Variants in ZNF530 observed in about 807,000 individuals in gnomAD.
ZNF530 encodes the protein zinc finger protein 530.
Under a neutral mutation model 2.8 loss-of-function variants are expected in ZNF530, and 5 were observed. The observed-to-expected ratio is 1.80, with a 90% CI of 0.94 to 3.78. ZNF530 has a LOEUF of 3.78. Ranked by LOEUF, ZNF530 falls within the 30% of genes most tolerant of loss-of-function variation. The probability of loss-of-function intolerance (pLI) is 0.00; values close to 1 mark genes in which losing one functional copy is unlikely to be tolerated. For missense variants in ZNF530, 619 were observed against 673.3 expected, an observed-to-expected ratio of 0.92 and a Z score of 0.89; for synonymous variants, 229 against 235.0, an observed-to-expected ratio of 0.97 and a Z score of 0.23.
At chr19:57,600,858 T>C (rs1431530667) in intron 2 of ZNF530, 79 bp downstream of exon 2, 1 of 152,312 alleles carries the variant, frequency 6.6e-6, no homozygotes, top group Non-Finnish European at 1.5e-5. Flanking sequence ...CCTGGGATTC[T>C]TTACTTACCG....
At chr19:57,611,528 C>T (rs374851881), downstream of ZNF530, among the ~76,000 whole-genome samples, 7 of 152,258 alleles carry the variant, frequency 4.6e-5, no homozygotes, top group Admixed American at 2.6e-4. Context: ...TTGGGGTGAT[C>T]TTCCCTTAAC....
chr19:57,601,977 C>A (rs554150120), intron 2 of ZNF530, among the ~76,000 whole-genome samples: 2 of 152,232 alleles, frequency 1.3e-5, no homozygotes, highest in African/African-American at 2.4e-5. Context: ...CTAGGCCCCA[C>A]TTCCAACATT....
Position 57,606,270 on chromosome 19 carries a change from A to G in ZNF530, c.646A>G (p.Ser216Gly). Reference sequence around the variant, plus strand: ...GTGCAGTGAATGTGGGAAATCCTTTAGTCAAAGTTCTGGCTTTCTTCGACA... The same window carrying G: ...GTGCAGTGAATGTGGGAAATCCTTTGGTCAAAGTTCTGGCTTTCTTCGACA... ...YKCSECGKSF[S>G]QSSGFLRHRK... Residue 216 changes from serine (S) to glycine (G), a missense_variant, in exon 4 of 4, where the codon AGT (serine) becomes GGT (glycine). Ser to Gly is a moderately conservative substitution (Grantham distance 56, BLOSUM62 0). Transcript: ENST00000597700. 6.2e-7 allele frequency: 1 copy of G among 1,614,106 alleles called. No individual in the cohort carries two copies. The highest frequency in any genetic ancestry group is 8.5e-7 in the Non-Finnish European group (1 of 1,180,014).
downstream of ZNF530, chr19:57,612,562 T>C (rs147806594): frequency 9.4e-4 from 377 of 399,306 alleles, 3 homozygotes; most frequent in African/African-American, 6.8e-3. Context: ...ACATCTGTAA[T>C]CCCAACTTTT....
intron 2 of ZNF530, among the ~76,000 whole-genome samples, chr19:57,603,124 A>G (rs1980325263): frequency 6.6e-6 from 1 of 152,172 alleles, no homozygotes; most frequent in Non-Finnish European, 1.5e-5. Flanking sequence ...CTCCTGATCA[A>G]GTGATCCACC....
chr19:57,610,436 GTGTGTGTGTGTGTA>G (rs1221261108), downstream of ZNF530, among the ~76,000 whole-genome samples: 1 of 151,932 alleles, frequency 6.6e-6, no homozygotes, highest in African/African-American at 2.4e-5. Flanking sequence ...GTGTGTGTGT[GTGTGTGTGTGTGTA>G]TACTTACTGT....
Position 57,600,091 on chromosome 19 carries a change from C to A in ZNF530, c.-165C>A. The A allele has an allele frequency of 6.4e-7, 1 of 1,553,400 alleles. No individual in the cohort carries two copies. Among genetic ancestry groups the A allele is most frequent in the East Asian group, 2.4e-5 (1 of 41,666 alleles). On this transcript the variant is annotated 5_prime_UTR_variant, in exon 1 of 4. Transcript: ENST00000597700. ...GATCGTCCACCGCTCCCGGCCCGCT[C>A]CGCCCAGAGTCCGATGGCGGCGGCA...
At chr19:57,603,863 G>A (rs1231823272) in intron 2 of ZNF530, among the ~76,000 whole-genome samples, 7 of 152,154 alleles carry the variant, frequency 4.6e-5, no homozygotes, top group South Asian at 2.1e-4. Context: ...TTGTGGGATC[G>A]GGGTGGAGGT....
Position 57,607,286 on chromosome 19 carries a change from C to A in ZNF530, c.1662C>A (p.Ser554Arg). 1 of 1,613,134 alleles carries A rather than the reference C, an allele frequency of 6.2e-7. No homozygotes were observed. Among genetic ancestry groups the A allele is most frequent in the Non-Finnish European group, 8.5e-7 (1 of 1,179,642 alleles). ...CSECGKSFSQ[S>R]SGLLRHRRVH... The stretch of plus-strand genomic sequence containing the variant: ...AATGTGGAAAATCCTTTAGCCAAAG[C>A]TCTGGCCTCTTAAGACACAGAAGAG... The change falls in exon 4 of 4, where the codon AGC becomes AGA. Residue 554 changes from serine to arginine, a missense_variant. Coordinates refer to ENST00000597700, the MANE Select transcript of ZNF530 (RefSeq NM_001321981.2).
chr19:57,612,717 A>G, downstream of ZNF530: 1 of 386,104 alleles, frequency 2.6e-6, no homozygotes, highest in South Asian at 1.4e-4. Flanking sequence ...CATTTTGGAG[A>G]CTAAACGCTG....
chr19:57,610,422 G>A (rs926029423), downstream of ZNF530, among the ~76,000 whole-genome samples: 83 of 149,022 alleles, frequency 5.6e-4, no homozygotes, highest in Middle Eastern at 3.4e-3. Context: ...ATGTGTGTGT[G>A]TGTGTGTGTG....
chr19:57,606,261 A>G lies in ZNF530; in HGVS notation c.637A>G (p.Lys213Glu). 6.2e-7 allele frequency: 1 copy of G among 1,614,244 alleles called. No individual in the cohort carries two copies. Among genetic ancestry groups the G allele is most frequent in the Non-Finnish European group, 8.5e-7 (1 of 1,180,042 alleles). ...GCCTTACAAGTGCAGTGAATGTGGG[A>G]AATCCTTTAGTCAAAGTTCTGGCTT... Reference protein sequence around the residue: ...ERPYKCSECGKSFSQSSGFLR... With the variant: ...ERPYKCSECGESFSQSSGFLR... The change falls in exon 4 of 4, where the codon AAA becomes GAA. Residue 213 changes from lysine to glutamate, a missense_variant. By Grantham distance (56) the Lys-to-Glu change is moderately conservative. Transcript: ENST00000597700.
chr19:57,600,102 C>T lies in ZNF530; in HGVS notation c.-154C>T, dbSNP rs1295042779. 1.3e-6 allele frequency: 2 copies of T among 1,560,372 alleles called. No homozygotes were observed. Among genetic ancestry groups the T allele is most frequent in the Non-Finnish European group, 1.7e-6 (2 of 1,151,218 alleles). ...GCTCCCGGCCCGCTCCGCCCAGAGTCCGATGGCGGCGGCACTGAGGGCCCC... is the reference window on the plus strand; with the variant it reads ...GCTCCCGGCCCGCTCCGCCCAGAGTTCGATGGCGGCGGCACTGAGGGCCCC... On this transcript the variant is annotated 5_prime_UTR_variant, in exon 1 of 4. Coordinates refer to ENST00000597700, the MANE Select transcript of ZNF530 (RefSeq NM_001321981.2).
downstream of ZNF530, among the ~76,000 whole-genome samples, chr19:57,610,646 T>A (rs1216366736): frequency 3.9e-5 from 6 of 152,084 alleles, no homozygotes. Flanking sequence ...CCAACACTGT[T>A]CCTCAGGAAA....
rs989425763 is a variant in ZNF530, at chr19:57,608,907, T to A, written c.*1582T>A. On this transcript the variant is annotated 3_prime_UTR_variant, in exon 4 of 4. Coordinates refer to ENST00000597700, the MANE Select transcript of ZNF530 (RefSeq NM_001321981.2). The stretch of plus-strand genomic sequence containing the variant: ...TTCAATAACAGCCTGGCCAAGGTGG[T>A]GAAACCCTGGAAGGCTGAGGCAGAT... 6.6e-6 allele frequency: 1 copy of A among 150,698 alleles called. No homozygotes were observed. Among genetic ancestry groups the A allele is most frequent in the Admixed American group, 6.6e-5 (1 of 15,074 alleles). The allele number at this position is 150,698 out of a possible 1,614,324, so 9.3% of individuals were successfully genotyped here. A position where few individuals can be genotyped will look rare whatever the true frequency, so the allele number is the denominator to read the frequency against.
chr19:57,612,390 G>A (rs914230589), downstream of ZNF530: 1 of 397,332 alleles, frequency 2.5e-6, no homozygotes, highest in East Asian at 3.6e-5. Flanking sequence ...AAATACAGTA[G>A]GTGTTCCTTG....
rs1018645968 is a variant in ZNF530 at position 57,599,943 on chromosome 19, G to A, written c.-313G>A. The A allele has an allele frequency of 1.1e-5, 8 of 737,994 alleles. No individual in the cohort carries two copies. Among genetic ancestry groups the A allele is most frequent in the Admixed American group, 6.2e-5 (2 of 32,156 alleles). 45.7% of individuals were successfully genotyped at this position (737,994 alleles called of 1,614,324 possible). A position where few individuals can be genotyped will look rare whatever the true frequency, so the allele number is the denominator to read the frequency against. ...TTGGCTTGTGTCAGTTCCATCCGCG[G>A]GTGCCGGATCTGGACCTAGGTGCTG... is the stretch of plus-strand genomic sequence containing the variant. On this transcript the variant is annotated 5_prime_UTR_variant, in exon 1 of 4. Transcript: ENST00000597700.
In ZNF530 at chr19:57,606,498, T is replaced by A; in HGVS notation, c.874T>A (p.Cys292Ser). ...TCACACTGGAGAAAGGCCTTATGAG[T>A]GCAGTGAATGTGGGAAATCTTTTAG... ...RVHTGERPYECSECGKSFSHS... is the reference protein window; with the variant it reads ...RVHTGERPYESSECGKSFSHS... The change falls in exon 4 of 4, where the codon TGC becomes AGC. Residue 292 changes from cysteine (C) to serine (S), a missense_variant. Transcript: ENST00000597700. 1 of 1,614,092 alleles carries A rather than the reference T, an allele frequency of 6.2e-7. No individual in the cohort carries two copies.
downstream of ZNF530, chr19:57,612,620 G>A: frequency 2.5e-6 from 1 of 398,010 alleles, no homozygotes; most frequent in Non-Finnish European, 4.4e-6. Flanking sequence ...GTTTGAGGCT[G>A]CAGCAAGCTA....
Sources: gnomAD v4.1 joint callset for allele counts (sites outside exome capture counted in the v4.1 genomes callset) on GRCh38, gnomAD v4.1.1 for gene constraint, MANE v1.5 for transcripts, NCBI Gene and HGNC (gene_info 2026-07-23, HGNC 2026-07-21) for gene names.